Variants in GFOD2 observed in about 807,000 individuals in gnomAD.
GFOD2 encodes glucose-fructose oxidoreductase domain-containing protein 2.
In GFOD2, 9 loss-of-function variants were observed where a neutral mutation model predicts 24.6. That is an observed-to-expected ratio of 0.37 (90% CI 0.22 to 0.64). The LOEUF is 0.64. Ranked by LOEUF, GFOD2 falls within the 30% of genes least tolerant of loss-of-function variation. The pLI, the probability that GFOD2 is intolerant of heterozygous loss-of-function variation, is 0.65. For missense variants in GFOD2, 476 were observed against 532.5 expected, an observed-to-expected ratio of 0.89 and a Z score of 1.04; for synonymous variants, 211 against 224.8, an observed-to-expected ratio of 0.94 and a Z score of 0.55.
At chr16:67,717,059 G>A (rs1021470851) in intron 1 of GFOD2, among the ~76,000 whole-genome samples, 2 of 152,072 alleles carry the variant, frequency 1.3e-5, no homozygotes, top group Non-Finnish European at 2.9e-5. Flanking sequence ...ACCATGCCCC[G>A]ATAATTTTGT....
chr16:67,688,124 G>T lies in GFOD2; in HGVS notation c.-87-2322C>A, dbSNP rs567108285. On this transcript the variant is annotated intron_variant, in intron 1 of 2. Transcript: ENST00000268797. ...AGTTACTGAAAACCATGAAGTAGAAGGCCCTCAATAACCTGAAAGACATTC... is the reference window on the plus strand; with the variant it reads ...AGTTACTGAAAACCATGAAGTAGAATGCCCTCAATAACCTGAAAGACATTC... 5.3e-5 allele frequency among the ~76,000 whole-genome samples: 8 copies of T among 152,124 alleles called. No homozygotes were observed. The East Asian group carries it at 1.3e-3, about 26-fold the overall frequency.
intron 2 of GFOD2, among the ~76,000 whole-genome samples, chr16:67,679,075 G>A (rs976426920): frequency 6.6e-6 from 1 of 152,180 alleles, no homozygotes; most frequent in South Asian, 2.1e-4. Context: ...ACTGAGGTAG[G>A]ACGATCCCTT....
At chr16:67,701,460 A>C (rs931738681) in intron 1 of GFOD2, among the ~76,000 whole-genome samples, 2 of 152,218 alleles carry the variant, frequency 1.3e-5, no homozygotes, top group African/African-American at 4.8e-5. Flanking sequence ...CACAATGAAC[A>C]AATCTCAAAT....
chr16:67,686,938 G>A (rs1303634521), intron 1 of GFOD2, among the ~76,000 whole-genome samples: 1 of 151,486 alleles, frequency 6.6e-6, no homozygotes, highest in Non-Finnish European at 1.5e-5. Flanking sequence ...CTTGAGGTCA[G>A]GAGTTCGAGA....
rs1448464256 is a variant in GFOD2 at position 67,691,236 on chromosome 16, C to T, written c.-87-5434G>A. Among the ~76,000 whole-genome samples, 3 of 152,020 alleles carry T rather than the reference C, an allele frequency of 2.0e-5. No individual in the cohort carries two copies. The East Asian group carries it at 5.8e-4, about 29-fold the overall frequency. On this transcript the variant is annotated intron_variant, in intron 1 of 2. Coordinates refer to ENST00000268797, the MANE Select transcript of GFOD2 (RefSeq NM_030819.4). ...CATAATTTTTATTTTGAGACAGATT[C>T]TTGCTCTGTTGCCCAGGCTGGAGTG...
chr16:67,693,556 G>A (rs1428751700), intron 1 of GFOD2, among the ~76,000 whole-genome samples: 1 of 152,138 alleles, frequency 6.6e-6, no homozygotes, highest in Admixed American at 6.5e-5. Context: ...ACAGGCATGA[G>A]CCATGGTCCC....
intron 1 of GFOD2, among the ~76,000 whole-genome samples, chr16:67,703,318 G>C (rs1322261396): frequency 2.0e-5 from 3 of 152,104 alleles, no homozygotes; most frequent in African/African-American, 7.2e-5. Flanking sequence ...CAGGAGAATC[G>C]CTTGAACCCA....
chr16:67,699,474 G>C (rs886669201), intron 1 of GFOD2, among the ~76,000 whole-genome samples: 2 of 152,052 alleles, frequency 1.3e-5, no homozygotes, highest in African/African-American at 4.8e-5. Flanking sequence ...AGGAGAATGT[G>C]GTGTTTTTTT....
chr16:67,695,676 C>T (rs543318273), intron 1 of GFOD2, among the ~76,000 whole-genome samples: 2 of 151,958 alleles, frequency 1.3e-5, no homozygotes, highest in African/African-American at 4.8e-5. Context: ...GCTGGGATTA[C>T]AGGCATGCGC....
At chr16:67,679,199 A>G (rs1360049571) in intron 2 of GFOD2, among the ~76,000 whole-genome samples, 1 of 152,018 alleles carries the variant, frequency 6.6e-6, no homozygotes, top group African/African-American at 2.4e-5. Flanking sequence ...CTCACATAGA[A>G]ACTACATTTT....
intron 1 of GFOD2, among the ~76,000 whole-genome samples, chr16:67,717,815 G>A (rs1437082535): frequency 6.6e-6 from 1 of 152,156 alleles, no homozygotes; most frequent in Non-Finnish European, 1.5e-5. Context: ...TAGATAGATA[G>A]AGAATTAGAC....
chr16:67,713,127 G>T (rs940243991), intron 1 of GFOD2, among the ~76,000 whole-genome samples: 1 of 150,526 alleles, frequency 6.6e-6, no homozygotes, highest in Admixed American at 6.6e-5. Flanking sequence ...CAAGTGATCC[G>T]CCCACCTCGG....
intron 1 of GFOD2, among the ~76,000 whole-genome samples, chr16:67,686,045 G>A (rs542569697): frequency 2.0e-5 from 3 of 152,104 alleles, no homozygotes; most frequent in Non-Finnish European, 2.9e-5. Flanking sequence ...GGCCGAGGTG[G>A]GAAGATCACT....
At chr16:67,701,533 G>A (rs2053402478) in intron 1 of GFOD2, among the ~76,000 whole-genome samples, 1 of 152,184 alleles carries the variant, frequency 6.6e-6, no homozygotes. Flanking sequence ...CCATTTAAAT[G>A]CCATAATGGA....
intron 1 of GFOD2, among the ~76,000 whole-genome samples, chr16:67,707,091 G>C (rs1314624732): frequency 6.6e-6 from 1 of 151,054 alleles, no homozygotes; most frequent in Non-Finnish European, 1.5e-5. Flanking sequence ...GGGCGCAGTG[G>C]CTCACGCCTG....
At position 67,675,586 on chromosome 16, in the gene GFOD2, T is replaced by C. The variant is rs1033962946; in HGVS notation, c.727A>G (p.Met243Val). The C allele has an allele frequency of 2.5e-6, 4 of 1,613,454 alleles. No homozygotes were observed. The highest frequency in any genetic ancestry group is 1.1e-5 in the South Asian group (1 of 91,088). Residue 243 changes from methionine to valine, a missense_variant, in exon 3 of 3, where the codon ATG becomes GTG. Coordinates refer to ENST00000268797, the MANE Select transcript of GFOD2 (RefSeq NM_030819.4). ...VCSTVTLNFN[M>V]PGAFVHEVMV... ...ACTTCATGCACAAAGGCGCCTGGCA[T>C]GTTGAAGTTGAGTGTCACTGTGCTA...
intron 1 of GFOD2, among the ~76,000 whole-genome samples, chr16:67,708,486 A>G (rs1316882513): frequency 6.6e-6 from 1 of 152,156 alleles, no homozygotes; most frequent in Non-Finnish European, 1.5e-5. Flanking sequence ...TGAGCTCCAG[A>G]TGTTAGGAAG....
chr16:67,681,432 G>GT, intron 2 of GFOD2: 1 of 983,714 alleles, frequency 1.0e-6, no homozygotes, highest in Non-Finnish European at 1.2e-6. Context: ...GTCTGTTTTT[G>GT]TTTTTTTAGA....
intron 1 of GFOD2, among the ~76,000 whole-genome samples, chr16:67,695,029 G>A (rs991293822): frequency 8.5e-6 from 1 of 118,286 alleles, no homozygotes; most frequent in East Asian, 2.5e-4. Flanking sequence ...GTCTCACTCT[G>A]TCGCCTAGGC....
Sources: allele counts gnomAD v4.1 joint callset (sites outside exome capture counted in the v4.1 genomes callset), GRCh38; gene constraint gnomAD v4.1.1; transcripts MANE v1.5; gene names NCBI Gene and HGNC (gene_info 2026-07-23, HGNC 2026-07-21).